The following MTMR7 variants were observed in gnomAD, a reference collection of about 807,000 sequenced individuals.
The protein encoded by MTMR7 is myotubularin related protein 7.
MTMR7 carries 76 observed loss-of-function variants against 81.2 expected under a neutral mutation model. The observed-to-expected ratio is 0.94, with a 90% CI of 0.78 to 1.13. The LOEUF (loss-of-function observed/expected upper bound fraction) is 1.13. Ranked by LOEUF, MTMR7 falls within the 50% of genes most tolerant of loss-of-function variation. MTMR7 has a pLI of 0.00. For missense variants in MTMR7, 1,044 were observed against 820.0 expected (o/e 1.27, Z -3.34); for synonymous variants, 372 against 289.8 (o/e 1.28, Z -2.88).
rs1397941708 is a variant in MTMR7 at position 17,366,902 on chromosome 8, T to C, written c.310+4135A>G. Among the ~76,000 whole-genome samples, 7 of 111,498 alleles carry C rather than the reference T, an allele frequency of 6.3e-5. No homozygotes were observed. In the East Asian group the frequency reaches 2.3e-3, roughly 37 times the overall value. The allele number at this position is 111,498 out of a possible 152,430, so 73.1% of individuals were successfully genotyped here. A position where few individuals can be genotyped will look rare whatever the true frequency, so the allele number is the denominator to read the frequency against. On this transcript the variant is annotated intron_variant, in intron 3 of 13. Coordinates refer to ENST00000180173, the MANE Select transcript of MTMR7 (RefSeq NM_004686.5). ...CTCCATCTCAAAAAAAAAAAAACTGTAGCTGAAAAACCATTTAGAGTGGGG... is the reference window on the plus strand; with the variant it reads ...CTCCATCTCAAAAAAAAAAAAACTGCAGCTGAAAAACCATTTAGAGTGGGG...
At chr8:17,402,049 T>A (rs903979958) in intron 1 of MTMR7, among the ~76,000 whole-genome samples, 1 of 152,156 alleles carries the variant, frequency 6.6e-6, no homozygotes, top group African/African-American at 2.4e-5. Context: ...AAACAAGACA[T>A]AATAAATTCA....
At chr8:17,372,336 T>A (rs982838470) in intron 2 of MTMR7, among the ~76,000 whole-genome samples, 1 of 152,116 alleles carries the variant, frequency 6.6e-6, no homozygotes, top group Non-Finnish European at 1.5e-5. Flanking sequence ...ATCCCAGTAC[T>A]TTGGAAGGCC....
chr8:17,371,160 T>C lies in MTMR7; in HGVS notation c.187A>G (p.Thr63Ala), dbSNP rs771034803. 3.1e-6 allele frequency: 5 copies of C among 1,614,204 alleles called. No individual in the cohort carries two copies. Among genetic ancestry groups the C allele is most frequent in the Admixed American group, 3.3e-5 (2 of 60,026 alleles). The change falls in exon 3 of 14, where the codon ACA (threonine) becomes GCA (alanine). Residue 63 changes from threonine to alanine, a missense_variant. Coordinates refer to ENST00000180173, the MANE Select transcript of MTMR7 (RefSeq NM_004686.5). ...SQISTIEKQA[T>A]TATGCPLLIR... ...AGCAGAGGGCATCCGGTAGCGGTTG[T>C]TGCCTGTTTCTCAATGGTGGAAATC...
chr8:17,354,392 T>C (rs901826907), intron 4 of MTMR7, among the ~76,000 whole-genome samples: 6 of 152,198 alleles, frequency 3.9e-5, no homozygotes, highest in Admixed American at 2.0e-4. Context: ...AACTTTAACC[T>C]AGCAATGAAT....
At chr8:17,334,294 C>T (rs1244772524) in intron 6 of MTMR7, among the ~76,000 whole-genome samples, 2 of 152,196 alleles carry the variant, frequency 1.3e-5, no homozygotes, top group African/African-American at 4.8e-5. Context: ...TTATCTTGGA[C>T]ATTTTACGTG....
intron 7 of MTMR7, among the ~76,000 whole-genome samples, chr8:17,320,325 A>G (rs546830871): frequency 2.6e-5 from 4 of 152,246 alleles, no homozygotes; most frequent in Non-Finnish European, 5.9e-5. Flanking sequence ...TACCTCTAAA[A>G]TAAAATATGA....
intron 7 of MTMR7, among the ~76,000 whole-genome samples, chr8:17,319,892 C>T (rs904830793): frequency 6.6e-6 from 1 of 152,134 alleles, no homozygotes; most frequent in Non-Finnish European, 1.5e-5. Flanking sequence ...CTATCACTTA[C>T]AACAGTGCTG....
At chr8:17,355,435 T>A (rs1207778379) in intron 4 of MTMR7, among the ~76,000 whole-genome samples, 1 of 152,190 alleles carries the variant, frequency 6.6e-6, no homozygotes, top group Non-Finnish European at 1.5e-5. Context: ...GATATCCTGA[T>A]GAATTATGTC....
intron 12 of MTMR7, 40 bp downstream of exon 12, chr8:17,304,339 G>C (rs1262749142): frequency 1.3e-6 from 2 of 1,596,072 alleles, no homozygotes; most frequent in Non-Finnish European, 1.7e-6. Flanking sequence ...CAGAATCCAA[G>C]TTCATACCAT....
intron 2 of MTMR7, among the ~76,000 whole-genome samples, chr8:17,372,752 G>T (rs971072247): frequency 6.6e-6 from 1 of 151,962 alleles, no homozygotes; most frequent in Non-Finnish European, 1.5e-5. Context: ...TGACCAAATG[G>T]CTGCATTACA....
At chr8:17,352,408 A>G (rs1488921165) in intron 4 of MTMR7, among the ~76,000 whole-genome samples, 1 of 152,208 alleles carries the variant, frequency 6.6e-6, no homozygotes, top group Non-Finnish European at 1.5e-5. Flanking sequence ...GTAAAATAAA[A>G]TAACGATGGG....
intron 2 of MTMR7, 43 bp from the exon 3 acceptor site, chr8:17,371,242 T>C (rs199777327): frequency 1.9e-6 from 3 of 1,589,164 alleles, no homozygotes; most frequent in East Asian, 4.5e-5. Flanking sequence ...CACAAATAAC[T>C]AATGAATACG....
At chr8:17,410,441 A>T (rs547236695) in intron 1 of MTMR7, among the ~76,000 whole-genome samples, 1 of 152,282 alleles carries the variant, frequency 6.6e-6, no homozygotes, top group Non-Finnish European at 1.5e-5. Flanking sequence ...TTGAACCCAA[A>T]TTATGCCTAA....
At chr8:17,358,447 A>G (rs182366532) in intron 4 of MTMR7, among the ~76,000 whole-genome samples, 298 of 152,314 alleles carry the variant, frequency 2.0e-3, no homozygotes, top group Non-Finnish European at 3.4e-3. Context: ...AATCACAATC[A>G]TAACAGGAAT....
At chr8:17,335,642 T>G (rs1819214229) in intron 6 of MTMR7, among the ~76,000 whole-genome samples, 1 of 152,200 alleles carries the variant, frequency 6.6e-6, no homozygotes, top group Non-Finnish European at 1.5e-5. Flanking sequence ...TCTTTCTCTC[T>G]CCCTCCTATA....
chr8:17,385,712 C>T (rs928595699), intron 1 of MTMR7, among the ~76,000 whole-genome samples: 8 of 152,206 alleles, frequency 5.3e-5, no homozygotes, highest in South Asian at 2.1e-4. Context: ...TAAAAGGGTA[C>T]AGCACCTACC....
At chr8:17,406,982 A>C (rs901366250) in intron 1 of MTMR7, among the ~76,000 whole-genome samples, 3 of 152,144 alleles carry the variant, frequency 2.0e-5, no homozygotes. Context: ...ACTGAATGCC[A>C]ATGGGTATAG....
At chr8:17,328,659 C>G (rs1336763345) in intron 7 of MTMR7, among the ~76,000 whole-genome samples, 3 of 152,058 alleles carry the variant, frequency 2.0e-5, no homozygotes, top group African/African-American at 7.2e-5. Flanking sequence ...GTGCAGCAAA[C>G]CATCATGGCA....
chr8:17,311,417 G>A, intron 9 of MTMR7, 94 bp downstream of exon 9: 1 of 1,526,758 alleles, frequency 6.5e-7, no homozygotes, highest in South Asian at 1.2e-5. Context: ...AAATAATGCT[G>A]GCAAGAAAAC....
Sources: allele counts gnomAD v4.1 joint callset (sites outside exome capture counted in the v4.1 genomes callset), GRCh38; gene constraint gnomAD v4.1.1; transcripts MANE v1.5; gene names NCBI Gene and HGNC (gene_info 2026-07-23, HGNC 2026-07-21).